The following CEP97 variants were observed in gnomAD, a reference collection of about 807,000 sequenced individuals.
The protein encoded by CEP97 is centrosomal protein of 97 kDa.
Under a neutral mutation model 73.1 loss-of-function variants are expected in CEP97, and 43 were observed. The observed-to-expected ratio is 0.59, with a 90% confidence interval of 0.46 to 0.76. The LOEUF (loss-of-function observed/expected upper bound fraction) is 0.76. CEP97 is among the 30% of genes least tolerant of loss of function. The probability of loss-of-function intolerance (pLI) is 0.00; values close to 1 mark genes in which losing one functional copy is unlikely to be tolerated. For synonymous variants in CEP97, 337 were observed against 370.0 expected (o/e 0.91, Z 1.02); for missense variants, 939 against 1,014.0 (o/e 0.93, Z 1.00).
intron 6 of CEP97, among the ~76,000 whole-genome samples, chr3:101,743,711 A>T (rs1938526717): frequency 6.6e-6 from 1 of 152,160 alleles, no homozygotes; most frequent in South Asian, 2.1e-4. Flanking sequence ...AACCAGAATT[A>T]AAAGACTGAT....
At chr3:101,745,674 G>A (rs1938590826) in intron 6 of CEP97, among the ~76,000 whole-genome samples, 1 of 151,102 alleles carries the variant, frequency 6.6e-6, no homozygotes, top group Admixed American at 6.6e-5. Flanking sequence ...TCAATATTCT[G>A]CCAGTCTTGT....
chr3:101,735,089 C>A (rs1938231579), intron 6 of CEP97, among the ~76,000 whole-genome samples: 1 of 151,956 alleles, frequency 6.6e-6, no homozygotes, highest in East Asian at 1.9e-4. Flanking sequence ...ATAGTAGGTG[C>A]TTAATAAATG....
At chr3:101,732,411 A>C (rs1938141551) in intron 5 of CEP97, 77 bp from the exon 6 acceptor site, 4 of 964,850 alleles carry the variant, frequency 4.1e-6, no homozygotes, top group African/African-American at 3.3e-5. Flanking sequence ...AATGCTGCCA[A>C]AGATATGTAA....
At chr3:101,743,533 C>T (rs1046487482) in intron 6 of CEP97, among the ~76,000 whole-genome samples, 2 of 151,950 alleles carry the variant, frequency 1.3e-5, no homozygotes, top group Admixed American at 6.6e-5. Context: ...GTAGCTGGGA[C>T]TATAGGCACA....
intron 10 of CEP97, among the ~76,000 whole-genome samples, chr3:101,764,016 G>A (rs1217415418): frequency 6.6e-6 from 1 of 152,192 alleles, no homozygotes; most frequent in African/African-American, 2.4e-5. Flanking sequence ...CACTCCTGGT[G>A]AGGGCCTTTT....
At chr3:101,750,799 CTCTTT>C (rs1938786082) in intron 6 of CEP97, among the ~76,000 whole-genome samples, 1 of 152,070 alleles carries the variant, frequency 6.6e-6, no homozygotes, top group Non-Finnish European at 1.5e-5. Flanking sequence ...TGATTCTTCT[CTCTTT>C]TCTTCTTTAT....
At chr3:101,751,431 G>A (rs1028149882) in intron 6 of CEP97, among the ~76,000 whole-genome samples, 4 of 152,110 alleles carry the variant, frequency 2.6e-5, no homozygotes, top group Admixed American at 1.3e-4. Flanking sequence ...TATTAGGTCC[G>A]CTTGGTGCAG....
chr3:101,763,186 A>G (rs1410478584), intron 10 of CEP97: 1 of 1,262,338 alleles, frequency 7.9e-7, no homozygotes, highest in Non-Finnish European at 1.0e-6. Context: ...AGCCTCCCAA[A>G]GTGAGCCACA....
At position 101,729,246 on chromosome 3, in the gene CEP97, C is replaced by T. The variant is rs889938724; in HGVS notation, c.447+309C>T. 8.6e-5 allele frequency among the ~76,000 whole-genome samples: 13 copies of T among 151,232 alleles called. 1 individual carries two copies. Among genetic ancestry groups the T allele is most frequent in the African/African-American group, 1.2e-4 (5 of 41,008 alleles). ...TGTAGTCCCAGCTACTCAGCTAAAG[C>T]AGGATTGGTTGAACCCAGGAGGTGG... On this transcript the variant is annotated intron_variant, in intron 4 of 10. Transcript: ENST00000341893.
intron 10 of CEP97, among the ~76,000 whole-genome samples, chr3:101,763,422 C>T (rs1234168784): frequency 3.3e-5 from 5 of 151,968 alleles, no homozygotes; most frequent in South Asian, 2.1e-4. Flanking sequence ...ACAGCACTAG[C>T]GCATTACAGC....
chr3:101,734,073 G>C (rs796287311), intron 6 of CEP97, among the ~76,000 whole-genome samples: 2 of 152,176 alleles, frequency 1.3e-5, no homozygotes, highest in African/African-American at 2.4e-5. Context: ...TGATGCGCCC[G>C]CCTCGGCCTC....
intron 3 of CEP97, 108 bp from the exon 4 acceptor site, chr3:101,728,727 TC>T (rs1360700412): frequency 1.4e-6 from 1 of 711,846 alleles, no homozygotes; most frequent in Non-Finnish European, 2.5e-6. Context: ...CTACTCTGCT[TC>T]TAATAATAAG....
intron 10 of CEP97, among the ~76,000 whole-genome samples, chr3:101,762,928 A>G (rs1477321837): frequency 1.3e-5 from 2 of 152,196 alleles, no homozygotes; most frequent in Admixed American, 6.5e-5. Flanking sequence ...GTATATGACT[A>G]CAATATGCAT....
intron 10 of CEP97, 32 bp downstream of exon 10, chr3:101,762,592 A>G: frequency 3.4e-6 from 5 of 1,473,438 alleles, no homozygotes; most frequent in Non-Finnish European, 4.7e-6. Flanking sequence ...TACCTCATAT[A>G]TGATCAAATA....
rs1193580257 is a variant in CEP97, at chr3:101,728,873, A to G, written c.383A>G (p.His128Arg). The G allele has an allele frequency of 1.2e-6, 2 of 1,608,828 alleles. No individual in the cohort carries two copies. Among genetic ancestry groups the G allele is most frequent in the African/African-American group, 1.3e-5 (1 of 74,838 alleles). ...ATCAATAGCTGCACAGCTCTACAGC[A>G]TCTCGATTTATCAGACAATAATATA... is the stretch of plus-strand genomic sequence containing the variant. ...EQINSCTALQHLDLSDNNISQ... is the reference protein window; with the variant it reads ...EQINSCTALQRLDLSDNNISQ... The change falls in exon 4 of 11, where the codon CAT becomes CGT. Residue 128 changes from histidine (H) to arginine (R), a missense_variant. Coordinates refer to ENST00000341893, the MANE Select transcript of CEP97 (RefSeq NM_024548.4).
Position 101,765,302 on chromosome 3 carries a change from A to T in CEP97, c.2349A>T (p.Glu783Asp), listed in dbSNP as rs895439018. 8.7e-6 allele frequency: 14 copies of T among 1,614,044 alleles called. No individual in the cohort carries two copies. In the African/African-American group the frequency reaches 1.7e-4, roughly 20 times the overall value. ...ATTTAACTTCAGTTCAACAGCTGGA[A>T]GATGCTGATGAGAGGACCAATTTTG... ...EQYLTSVQQL[E>D]DADERTNFDT... Residue 783 changes from glutamate to aspartate, a missense_variant, in exon 11 of 11, where the codon GAA becomes GAT. Transcript: ENST00000341893.
rs1474098688 is a variant in CEP97, at chr3:101,767,555, T to A, written c.*2004T>A. On this transcript the variant is annotated 3_prime_UTR_variant, in exon 11 of 11. Coordinates refer to ENST00000341893, the MANE Select transcript of CEP97 (RefSeq NM_024548.4). The stretch of plus-strand genomic sequence containing the variant: ...ATTCAGTATTACCTAAATAGATTTC[T>A]GCTAAAATCCTCTCCCTCCTGTCTT... 9 of 152,350 alleles carry A rather than the reference T, an allele frequency of 5.9e-5. No homozygotes were observed. Among genetic ancestry groups the A allele is most frequent in the Non-Finnish European group, 1.2e-4 (8 of 68,024 alleles). 9.4% of individuals were successfully genotyped at this position (152,350 alleles called of 1,614,324 possible).
At chr3:101,748,129 CAAAAAAAA>C (rs71625598) in intron 6 of CEP97, among the ~76,000 whole-genome samples, 1 of 53,898 alleles carries the variant, frequency 1.9e-5, no homozygotes, top group Non-Finnish European at 3.2e-5. Flanking sequence ...GACCTTGTCT[CAAAAAAAA>C]AAAAAAAAAA....
At chr3:101,753,703 G>A (rs1447695806) in intron 6 of CEP97, among the ~76,000 whole-genome samples, 3 of 152,234 alleles carry the variant, frequency 2.0e-5, no homozygotes, top group African/African-American at 7.2e-5. Context: ...AGGACCCTCC[G>A]AGCCAGGTGC....
Sources: allele counts gnomAD v4.1 joint callset (sites outside exome capture counted in the v4.1 genomes callset), GRCh38; gene constraint gnomAD v4.1.1; transcripts MANE v1.5; gene names NCBI Gene and HGNC (gene_info 2026-07-23, HGNC 2026-07-21).